MYPN: variants seen among roughly 807,000 people sequenced by gnomAD.
The protein encoded by MYPN is sarcomeric protein myopalladin, 145 kDa (MYOP).
In MYPN, 63 loss-of-function variants were observed where a neutral mutation model predicts 129.4. The observed-to-expected ratio is 0.49, with a 90% confidence interval of 0.40 to 0.60. The LOEUF (loss-of-function observed/expected upper bound fraction) is 0.60, where lower values mean the gene tolerates loss of function less well. MYPN is among the 20% of genes least tolerant of loss of function. The probability of loss-of-function intolerance (pLI) is 0.00; values close to 1 mark genes in which losing one functional copy is unlikely to be tolerated. For synonymous variants in MYPN, 629 were observed against 600.9 expected, an observed-to-expected ratio of 1.05 and a Z score of -0.68; for missense variants, 1,596 against 1,635.4, an observed-to-expected ratio of 0.98 and a Z score of 0.42.
chr10:68,152,982 T>TTTTATTTTATTTTA lies in MYPN; in HGVS notation c.1317+2875_1317+2888dup, dbSNP rs2042802556. ...ATTTTATTTTATTTTATTTTATTTA[T>TTTTATTTTATTTTA]TTTATTTTATTTTATTTTATTTAGA... On this transcript the variant is annotated intron_variant, in intron 6 of 19. Coordinates refer to ENST00000358913, the MANE Select transcript of MYPN (RefSeq NM_032578.4). Among the ~76,000 whole-genome samples, 4 of 64,824 alleles carry TTTTATTTTATTTTA rather than the reference T, an allele frequency of 6.2e-5. 1 individual carries two copies. The highest frequency in any genetic ancestry group is 1.4e-4 in the African/African-American group (4 of 28,902). 42.5% of individuals were successfully genotyped at this position (64,824 alleles called of 152,430 possible).
chr10:68,128,121 G>T (rs1416767804), intron 2 of MYPN, among the ~76,000 whole-genome samples: 2 of 152,142 alleles, frequency 1.3e-5, no homozygotes, highest in African/African-American at 4.8e-5. Context: ...ATCTTTCTTG[G>T]ACATAGCTTC....
chr10:68,130,726 T>C (rs2042397092), intron 2 of MYPN, among the ~76,000 whole-genome samples: 1 of 152,318 alleles, frequency 6.6e-6, no homozygotes, highest in African/African-American at 2.4e-5. Flanking sequence ...ATAAAGATAT[T>C]CTTGTATTTT....
At chr10:68,207,659 T>A (rs2043838967) in intron 19 of MYPN, among the ~76,000 whole-genome samples, 1 of 152,028 alleles carries the variant, frequency 6.6e-6, no homozygotes, top group African/African-American at 2.4e-5. Context: ...GCTGTCCTAA[T>A]AATAATAATA....
intron 2 of MYPN, among the ~76,000 whole-genome samples, chr10:68,131,257 C>G (rs1482733708): frequency 6.6e-6 from 1 of 151,816 alleles, no homozygotes; most frequent in Non-Finnish European, 1.5e-5. Flanking sequence ...AGCATAGTGG[C>G]GGGCACCTGC....
intron 1 of MYPN, among the ~76,000 whole-genome samples, chr10:68,111,275 G>A (rs1401222649): frequency 6.6e-6 from 1 of 152,180 alleles, no homozygotes; most frequent in Non-Finnish European, 1.5e-5. Flanking sequence ...ATGTTGGTAT[G>A]TGAAAAAGTG....
At chr10:68,110,780 T>C (rs1186052583) in intron 1 of MYPN, among the ~76,000 whole-genome samples, 1 of 152,100 alleles carries the variant, frequency 6.6e-6, no homozygotes, top group Non-Finnish European at 1.5e-5. Context: ...AAACAGAAAA[T>C]AAGATATACT....
At chr10:68,127,911 T>A (rs1253420515) in intron 2 of MYPN, among the ~76,000 whole-genome samples, 1 of 152,234 alleles carries the variant, frequency 6.6e-6, no homozygotes, top group East Asian at 1.9e-4. Context: ...ATAAGCATAC[T>A]GGGCAACTGA....
chr10:68,105,969 A>G, upstream of MYPN: 1 of 259,750 alleles, frequency 3.8e-6, no homozygotes, highest in Non-Finnish European at 7.7e-6. Flanking sequence ...CATCGTGCAG[A>G]CTGAGTTATT....
intron 12 of MYPN, among the ~76,000 whole-genome samples, chr10:68,183,625 A>G (rs1422403190): frequency 6.6e-6 from 1 of 152,158 alleles, no homozygotes; most frequent in Non-Finnish European, 1.5e-5. Flanking sequence ...TGTAGCAAGA[A>G]CTCTGTTAGA....
At chr10:68,113,243 A>G (rs2042105487) in intron 1 of MYPN, among the ~76,000 whole-genome samples, 1 of 152,154 alleles carries the variant, frequency 6.6e-6, no homozygotes, top group Admixed American at 6.5e-5. Flanking sequence ...AGTTACTTAA[A>G]CATATTTATC....
intron 12 of MYPN, among the ~76,000 whole-genome samples, chr10:68,178,794 G>GCATGAA (rs1204388142): frequency 2.0e-5 from 3 of 151,222 alleles, no homozygotes; most frequent in Non-Finnish European, 4.4e-5. Context: ...ACATGACTTA[G>GCATGAA]CATGAAGTTC....
intron 1 of MYPN, among the ~76,000 whole-genome samples, chr10:68,100,781 T>C (rs2041977975): frequency 6.6e-6 from 1 of 152,162 alleles, no homozygotes; most frequent in African/African-American, 2.4e-5. Context: ...TCAAGAATTA[T>C]AAGCATCCAT....
chr10:68,155,197 A>AAAAAC (rs1350164100), intron 6 of MYPN, among the ~76,000 whole-genome samples: 2 of 152,102 alleles, frequency 1.3e-5, no homozygotes, highest in Non-Finnish European at 2.9e-5. Flanking sequence ...CAAAACAACA[A>AAAAAC]AAAACAAAAC....
At position 68,210,502 on chromosome 10, in the gene MYPN, A is replaced by T. The variant is rs1193518103; in HGVS notation, c.*47A>T. 2 of 1,606,584 alleles carry T rather than the reference A, an allele frequency of 1.2e-6. No individual in the cohort carries two copies. Among genetic ancestry groups the T allele is most frequent in the Non-Finnish European group, 1.7e-6 (2 of 1,176,046 alleles). ...GTAAGAGAGCGGACTGTGGAGGGGG[A>T]ATGAGAACAAGCCAGACTTGGTGGT... On this transcript the variant is annotated 3_prime_UTR_variant, in exon 20 of 20. Coordinates refer to ENST00000358913, the MANE Select transcript of MYPN (RefSeq NM_032578.4).
At chr10:68,120,379 T>C (rs2133990235) in intron 1 of MYPN, among the ~76,000 whole-genome samples, 2 of 152,314 alleles carry the variant, frequency 1.3e-5, no homozygotes, top group African/African-American at 4.8e-5. Flanking sequence ...ATAATTAAAA[T>C]TCAAAAGTTA....
intron 4 of MYPN, among the ~76,000 whole-genome samples, chr10:68,145,879 A>G (rs922242764): frequency 1.3e-5 from 2 of 151,890 alleles, no homozygotes; most frequent in Non-Finnish European, 2.9e-5. Context: ...CTCCTCTTTT[A>G]CCCCCTTCCT....
Position 68,122,291 on chromosome 10 carries a change from C to T in MYPN, c.853C>T (p.Arg285Ter), listed in dbSNP as rs773578712. 1 of 1,613,972 alleles carries T rather than the reference C, an allele frequency of 6.2e-7. No individual in the cohort carries two copies. The highest frequency in any genetic ancestry group is 8.5e-7 in the Non-Finnish European group (1 of 1,179,984). ...GAGCAGAGAAGTTCCAGAAGGAACT[C>T]GAGTACAGTTGGATTGCATAGTGGT... ...LRSREVPEGT[R>*]VQLDCIVVGI... The change falls in exon 2 of 20, where the codon CGA (arginine) becomes TGA (stop). Residue 285 changes from arginine to a stop codon, truncating the protein, a stop_gained. Transcript: ENST00000358913. LOFTEE classifies it high-confidence loss of function.
intron 1 of MYPN, among the ~76,000 whole-genome samples, chr10:68,099,775 C>T (rs2041973478): frequency 6.6e-6 from 1 of 152,146 alleles, no homozygotes; most frequent in South Asian, 2.1e-4. Flanking sequence ...TTTCCAAGGA[C>T]TTGGAAACAC....
chr10:68,107,399 G>A (rs1469179191), upstream of MYPN, among the ~76,000 whole-genome samples: 1 of 145,014 alleles, frequency 6.9e-6, no homozygotes, highest in Non-Finnish European at 1.5e-5. Flanking sequence ...GGAGTGCAAT[G>A]GCACCATCTC....
Sources: allele counts gnomAD v4.1 joint callset (sites outside exome capture counted in the v4.1 genomes callset), GRCh38; gene constraint gnomAD v4.1.1; transcripts MANE v1.5; gene names NCBI Gene and HGNC (gene_info 2026-07-23, HGNC 2026-07-21).